Variants in SUCLG2 observed in about 807,000 individuals in gnomAD.
SUCLG2 encodes the protein succinate--CoA ligase [GDP-forming] subunit beta, mitochondrial.
SUCLG2 carries 42 observed loss-of-function variants against 47.9 expected under a neutral mutation model. The ratio of observed to expected loss-of-function variants is 0.88; its 90% CI spans 0.69 to 1.14. The LOEUF (loss-of-function observed/expected upper bound fraction) is 1.14, where lower values mean the gene tolerates loss of function less well. Among genes scored for constraint, SUCLG2 ranks in the 50% most tolerant of loss-of-function variants. The pLI is 0.00. For missense variants in SUCLG2, 571 were observed against 525.9 expected (o/e 1.09, Z -0.84); for synonymous variants, 195 against 197.3 (o/e 0.99, Z 0.10).
chr3:67,618,289 G>A (rs1256141522), intron 1 of SUCLG2, among the ~76,000 whole-genome samples: 1 of 152,070 alleles, frequency 6.6e-6, no homozygotes, highest in African/African-American at 2.4e-5. Flanking sequence ...GTGTGGTGGT[G>A]CGTGCCTGTA....
chr3:67,412,464 A>C (rs1265646309), intron 9 of SUCLG2, among the ~76,000 whole-genome samples: 2 of 152,056 alleles, frequency 1.3e-5, no homozygotes, highest in Non-Finnish European at 2.9e-5. Flanking sequence ...GCCTCTCCAG[A>C]TCCTCTCCAC....
At chr3:67,473,796 C>T (rs2106993331) in intron 9 of SUCLG2, among the ~76,000 whole-genome samples, 1 of 152,322 alleles carries the variant, frequency 6.6e-6, no homozygotes, top group Middle Eastern at 3.4e-3. Flanking sequence ...TTAATTAAAA[C>T]CACTTGCTTT....
At chr3:67,543,745 C>A (rs577247586) in intron 2 of SUCLG2, among the ~76,000 whole-genome samples, 76 of 152,254 alleles carry the variant, frequency 5.0e-4, no homozygotes, top group Admixed American at 1.2e-3. Context: ...ATTATGGGTA[C>A]AACATTATAT....
At chr3:67,415,986 C>T (rs951458649) in intron 9 of SUCLG2, among the ~76,000 whole-genome samples, 2 of 152,210 alleles carry the variant, frequency 1.3e-5, no homozygotes, top group Non-Finnish European at 2.9e-5. Context: ...AGGACGGACA[C>T]TCAAGAGACT....
At chr3:67,631,704 A>G (rs1229440367) in intron 1 of SUCLG2, among the ~76,000 whole-genome samples, 2 of 152,162 alleles carry the variant, frequency 1.3e-5, no homozygotes, top group Non-Finnish European at 1.5e-5. Context: ...TTTACCTCAT[A>G]ACACCTCTCA....
At chr3:67,506,976 C>A (rs1280830497) in intron 7 of SUCLG2, among the ~76,000 whole-genome samples, 2 of 152,168 alleles carry the variant, frequency 1.3e-5, no homozygotes, top group Non-Finnish European at 2.9e-5. Flanking sequence ...GGGTTCAAAT[C>A]CCAGCTTTTG....
chr3:67,461,710 C>A (rs1002899727), intron 9 of SUCLG2, among the ~76,000 whole-genome samples: 6 of 152,030 alleles, frequency 3.9e-5, no homozygotes, highest in African/African-American at 1.4e-4. Context: ...TAGTAGCATA[C>A]CCACTCCAAA....
At chr3:67,499,144 C>A (rs1418342192) in intron 7 of SUCLG2, among the ~76,000 whole-genome samples, 1 of 152,054 alleles carries the variant, frequency 6.6e-6, no homozygotes, top group African/African-American at 2.4e-5. Context: ...TAATTAAACA[C>A]AGTGAAATGA....
intron 6 of SUCLG2, among the ~76,000 whole-genome samples, chr3:67,517,148 T>G (rs1445437890): frequency 6.6e-6 from 1 of 152,210 alleles, no homozygotes; most frequent in Non-Finnish European, 1.5e-5. Flanking sequence ...TCTACCATCT[T>G]CAATCTTTTG....
intron 9 of SUCLG2, among the ~76,000 whole-genome samples, chr3:67,491,928 AG>A (rs1251018242): frequency 1.3e-5 from 2 of 152,222 alleles, no homozygotes; most frequent in Admixed American, 6.5e-5. Flanking sequence ...CAAGGCACAC[AG>A]AAGTTAAATA....
At chr3:67,584,897 C>T (rs957776774) in intron 2 of SUCLG2, among the ~76,000 whole-genome samples, 1 of 152,006 alleles carries the variant, frequency 6.6e-6, no homozygotes, top group African/African-American at 2.4e-5. Context: ...TAACTGCCCC[C>T]ATGATTAAAT....
intron 1 of SUCLG2, among the ~76,000 whole-genome samples, chr3:67,617,667 CAG>C (rs1432046308): frequency 3.3e-5 from 5 of 152,146 alleles, no homozygotes; most frequent in Non-Finnish European, 7.3e-5. Context: ...AGAAGGGGTA[CAG>C]AGAGATCCTA....
chr3:67,393,372 C>A (rs891583181), intron 10 of SUCLG2, among the ~76,000 whole-genome samples: 7 of 152,242 alleles, frequency 4.6e-5, no homozygotes, highest in African/African-American at 1.7e-4. Flanking sequence ...AGATTATATC[C>A]CGCACATGGC....
At chr3:67,420,785 A>G (rs1411228309) in intron 9 of SUCLG2, among the ~76,000 whole-genome samples, 2 of 152,144 alleles carry the variant, frequency 1.3e-5, no homozygotes, top group Non-Finnish European at 2.9e-5. Context: ...CATACTGTGT[A>G]TGTGTGTGAG....
intron 9 of SUCLG2, among the ~76,000 whole-genome samples, chr3:67,465,839 A>T (rs1004186340): frequency 3.3e-5 from 5 of 152,006 alleles, no homozygotes; most frequent in African/African-American, 1.2e-4. Flanking sequence ...TACCACAGAA[A>T]ATTATCTAGT....
At chr3:67,552,280 A>C (rs1346376710) in intron 2 of SUCLG2, among the ~76,000 whole-genome samples, 1 of 152,178 alleles carries the variant, frequency 6.6e-6, no homozygotes, top group Non-Finnish European at 1.5e-5. Context: ...GGCTGTGCCC[A>C]TCACGTATCT....
intron 2 of SUCLG2, among the ~76,000 whole-genome samples, chr3:67,557,104 G>C (rs995810455): frequency 3.3e-5 from 5 of 152,232 alleles, no homozygotes; most frequent in Middle Eastern, 3.4e-3. Context: ...TAGAATTCTA[G>C]ACATGTTTCT....
intron 2 of SUCLG2, among the ~76,000 whole-genome samples, chr3:67,589,902 G>C (rs1708113807): frequency 6.6e-6 from 1 of 152,192 alleles, no homozygotes; most frequent in Non-Finnish European, 1.5e-5. Flanking sequence ...AGGCCTTACA[G>C]GTCACTCTGA....
intron 9 of SUCLG2, among the ~76,000 whole-genome samples, chr3:67,476,658 C>T (rs1394886661): frequency 5.9e-5 from 9 of 152,168 alleles, no homozygotes; most frequent in Admixed American, 5.9e-4. Flanking sequence ...GAAAAACTGT[C>T]TTCCATGAAA....
Sources: gnomAD v4.1 joint callset for allele counts (sites outside exome capture counted in the v4.1 genomes callset) on GRCh38, gnomAD v4.1.1 for gene constraint, MANE v1.5 for transcripts, NCBI Gene and HGNC (gene_info 2026-07-23, HGNC 2026-07-21) for gene names.